Variants in WWOX observed in about 807,000 individuals in gnomAD.
WWOX encodes WW domain-containing oxidoreductase.
A neutral mutation model predicts 46.2 loss-of-function variants in WWOX; 69 were observed. The ratio of observed to expected loss-of-function variants is 1.49; its 90% CI spans 1.23 to 1.82. WWOX has a LOEUF of 1.82. Among genes scored for constraint, WWOX ranks in the 40% most tolerant of loss-of-function variants. The probability of loss-of-function intolerance (pLI) is 0.00; values close to 1 mark genes in which losing one functional copy is unlikely to be tolerated. For missense variants in WWOX, 919 were observed against 542.6 expected, an observed-to-expected ratio of 1.69 and a Z score of -6.89; for synonymous variants, 359 against 202.6, an observed-to-expected ratio of 1.77 and a Z score of -6.56.
At chr16:78,994,917 G>A (rs1018036177) in intron 8 of WWOX, among the ~76,000 whole-genome samples, 7 of 150,630 alleles carry the variant, frequency 4.6e-5, no homozygotes, top group Admixed American at 1.3e-4. Flanking sequence ...CACTGGAAGG[G>A]CAAATGAGGT....
rs1444189247 is a variant in WWOX at position 78,361,560 on chromosome 16, T to G, written c.517-25300T>G. 2.6e-5 allele frequency among the ~76,000 whole-genome samples: 4 copies of G among 152,164 alleles called. No individual in the cohort carries two copies. In the East Asian group the frequency reaches 7.7e-4, roughly 29 times the overall value. On this transcript the variant is annotated intron_variant, in intron 5 of 8. Transcript: ENST00000566780. The stretch of plus-strand genomic sequence containing the variant: ...TTTCCCTTACTCTTTTTATAGTCAG[T>G]AATTGGAATTCTTCTGAAGAAAGAG...
At chr16:78,425,250 T>C (rs2083050116) in intron 7 of WWOX, among the ~76,000 whole-genome samples, 195 bp downstream of exon 7, 1 of 152,156 alleles carries the variant, frequency 6.6e-6, no homozygotes, top group African/African-American at 2.4e-5. Flanking sequence ...AAGGACTTTC[T>C]AGAGCAAGGA....
chr16:78,543,331 C>T (rs758243891), intron 8 of WWOX, among the ~76,000 whole-genome samples: 2 of 152,160 alleles, frequency 1.3e-5, no homozygotes, highest in Non-Finnish European at 2.9e-5. Context: ...AATGTCTCAT[C>T]CCCCTGTGGG....
At chr16:79,211,341 G>GTATT (rs1429285095) in intron 8 of WWOX, among the ~76,000 whole-genome samples, 1 of 152,150 alleles carries the variant, frequency 6.6e-6, no homozygotes, top group Admixed American at 6.5e-5. Context: ...ATTGATATGT[G>GTATT]TATTTATTTT....
chr16:78,909,630 C>T (rs556242809), intron 8 of WWOX, among the ~76,000 whole-genome samples: 1 of 152,286 alleles, frequency 6.6e-6, no homozygotes, highest in East Asian at 1.9e-4. Context: ...GATGAAAGTT[C>T]CCTTTCAGAA....
At position 78,387,582 on chromosome 16, in the gene WWOX, C is replaced by T. The variant is rs541441521; in HGVS notation, c.605+634C>T. On this transcript the variant is annotated intron_variant, in intron 6 of 8. Transcript: ENST00000566780. ...AGGTTGTAGGAGAAAGGGAGAGAAG[C>T]GGAAGGGGGTGGGGAGACAGAGAGA... Among the ~76,000 whole-genome samples, 6 of 151,864 alleles carry T rather than the reference C, an allele frequency of 4.0e-5. No individual in the cohort carries two copies. In the South Asian group the frequency reaches 8.3e-4, roughly 21 times the overall value.
chr16:78,549,587 C>G (rs1264921951), intron 8 of WWOX, among the ~76,000 whole-genome samples: 1 of 152,234 alleles, frequency 6.6e-6, no homozygotes, highest in East Asian at 1.9e-4. Context: ...TGTGGCCACT[C>G]CAGACCATTT....
At chr16:79,023,183 A>G (rs1328685558) in intron 8 of WWOX, among the ~76,000 whole-genome samples, 2 of 152,224 alleles carry the variant, frequency 1.3e-5, no homozygotes, top group Non-Finnish European at 1.5e-5. Flanking sequence ...CCTAATGGAA[A>G]GCTTGAAAGC....
chr16:78,138,938 T>C (rs963322652), intron 4 of WWOX, among the ~76,000 whole-genome samples: 1 of 152,168 alleles, frequency 6.6e-6, no homozygotes, highest in Non-Finnish European at 1.5e-5. Context: ...TCCTAACATT[T>C]GCAACGAGGC....
At chr16:78,764,187 G>T (rs926597027) in intron 8 of WWOX, among the ~76,000 whole-genome samples, 2 of 152,128 alleles carry the variant, frequency 1.3e-5, no homozygotes, top group East Asian at 3.9e-4. Context: ...GTGCCATATT[G>T]TTCTCAGTCT....
At chr16:78,516,570 C>T (rs991718274) in intron 8 of WWOX, among the ~76,000 whole-genome samples, 4 of 152,148 alleles carry the variant, frequency 2.6e-5, no homozygotes, top group Admixed American at 6.5e-5. Flanking sequence ...AAATATCATG[C>T]ATACTTGGCC....
intron 8 of WWOX, among the ~76,000 whole-genome samples, chr16:79,087,732 C>A (rs564842581): frequency 2.7e-4 from 41 of 152,324 alleles, no homozygotes; most frequent in African/African-American, 8.7e-4. Flanking sequence ...GTACTTGCAA[C>A]ACTTTCTCTG....
At chr16:78,304,869 C>A (rs199855497) in intron 5 of WWOX, among the ~76,000 whole-genome samples, 1 of 152,148 alleles carries the variant, frequency 6.6e-6, no homozygotes, top group Non-Finnish European at 1.5e-5. Context: ...TGACACATTT[C>A]GCTAGCATTG....
At chr16:78,456,614 A>G (rs189462171) in intron 8 of WWOX, among the ~76,000 whole-genome samples, 6 of 152,316 alleles carry the variant, frequency 3.9e-5, no homozygotes, top group Non-Finnish European at 8.8e-5. Flanking sequence ...TCATTTTTAT[A>G]AAAAAATTTA....
intron 6 of WWOX, among the ~76,000 whole-genome samples, chr16:78,419,567 C>G (rs1448579184): frequency 6.9e-6 from 1 of 145,544 alleles, no homozygotes; most frequent in Non-Finnish European, 1.5e-5. Context: ...CACTGGATAG[C>G]CCCATGCAAA....
intron 8 of WWOX, among the ~76,000 whole-genome samples, chr16:79,166,145 A>T (rs1348382391): frequency 2.0e-5 from 3 of 152,194 alleles, no homozygotes; most frequent in Non-Finnish European, 4.4e-5. Context: ...GACTTTTTTT[A>T]ATAGTGCAAA....
intron 8 of WWOX, among the ~76,000 whole-genome samples, chr16:79,032,022 G>C (rs2047771458): frequency 7.0e-6 from 1 of 143,656 alleles, no homozygotes; most frequent in Non-Finnish European, 1.5e-5. Context: ...AGACTCTCCT[G>C]GGACATTCTA....
At chr16:79,183,176 C>T (rs1198447673) in intron 8 of WWOX, among the ~76,000 whole-genome samples, 1 of 152,184 alleles carries the variant, frequency 6.6e-6, no homozygotes, top group Non-Finnish European at 1.5e-5. Context: ...AGGTGGCAGG[C>T]ACCATGAGGC....
chr16:78,100,464 G>C (rs2031698834), intron 1 of WWOX, among the ~76,000 whole-genome samples: 1 of 152,188 alleles, frequency 6.6e-6, no homozygotes, highest in African/African-American at 2.4e-5. Context: ...ATGTTGCCCA[G>C]GCTGGTCTCG....
Sources: gnomAD v4.1 joint callset for allele counts (sites outside exome capture counted in the v4.1 genomes callset) on GRCh38, gnomAD v4.1.1 for gene constraint, MANE v1.5 for transcripts, NCBI Gene and HGNC (gene_info 2026-07-23, HGNC 2026-07-21) for gene names.